SOX6: variants seen among roughly 807,000 people sequenced by gnomAD.
SOX6 encodes the protein SRY-box transcription factor 6, also known as transcription factor SOX-6.
SOX6 carries 11 observed loss-of-function variants against 97.8 expected under a neutral mutation model. That is an observed-to-expected ratio of 0.11 (90% CI 0.07 to 0.19). The LOEUF is 0.19. SOX6 is among the 10% of genes least tolerant of loss of function. The probability of loss-of-function intolerance (pLI) is 1.00; values close to 1 mark genes in which losing one functional copy is unlikely to be tolerated. For missense variants in SOX6, 810 were observed against 1,039.5 expected (o/e 0.78, Z 3.04); for synonymous variants, 360 against 371.4 (o/e 0.97, Z 0.35).
At chr11:16,699,722 C>G (rs1194579489) in intron 3 of SOX6, among the ~76,000 whole-genome samples, 1 of 151,982 alleles carries the variant, frequency 6.6e-6, no homozygotes, top group African/African-American at 2.4e-5. Flanking sequence ...CAATAAGACA[C>G]ATACAAATAC....
chr11:16,573,161 GA>G (rs1196058853), intron 4 of SOX6, among the ~76,000 whole-genome samples: 2 of 152,112 alleles, frequency 1.3e-5, no homozygotes, highest in Non-Finnish European at 2.9e-5. Flanking sequence ...CTGCTGTCAG[GA>G]ACAAACAATT....
At chr11:16,476,031 A>G (rs139117371) in intron 1 of SOX6, among the ~76,000 whole-genome samples, 268 of 152,264 alleles carry the variant, frequency 1.8e-3, no homozygotes, top group Non-Finnish European at 3.1e-3. Flanking sequence ...CATTCCTACA[A>G]TTGAGCCCTA....
At chr11:16,423,056 C>G (rs1859050548) in intron 1 of SOX6, among the ~76,000 whole-genome samples, 1 of 152,146 alleles carries the variant, frequency 6.6e-6, no homozygotes, top group Non-Finnish European at 1.5e-5. Flanking sequence ...AGAGAAAACC[C>G]AGAGTCTTCA....
chr11:16,559,239 GAAACTCTTTC>G (rs1847781775), intron 4 of SOX6, among the ~76,000 whole-genome samples: 1 of 152,064 alleles, frequency 6.6e-6, no homozygotes, highest in African/African-American at 2.4e-5. Context: ...AATGGTATCT[GAAACTCTTTC>G]AAACATCACA....
At chr11:16,667,636 G>T (rs1189420297) in intron 3 of SOX6, among the ~76,000 whole-genome samples, 1 of 151,994 alleles carries the variant, frequency 6.6e-6, no homozygotes, top group African/African-American at 2.4e-5. Context: ...CAGACAAAAG[G>T]TGAGGTATTT....
chr11:16,632,072 A>G (rs1848714797), intron 3 of SOX6, among the ~76,000 whole-genome samples: 1 of 151,994 alleles, frequency 6.6e-6, no homozygotes, highest in African/African-American at 2.4e-5. Flanking sequence ...TTTATCTGTC[A>G]TTTCTGAGTT....
At chr11:16,201,656 C>T (rs1445622869) in intron 4 of SOX6, among the ~76,000 whole-genome samples, 2 of 110,622 alleles carry the variant, frequency 1.8e-5, no homozygotes, top group African/African-American at 3.6e-5. Flanking sequence ...TTTTTTGAGA[C>T]GGAGTCTCGC....
Position 16,402,896 on chromosome 11 carries a change from A to C in SOX6, c.-4-61644T>G, listed in dbSNP as rs915650535. 4.0e-6 allele frequency: 6 copies of C among 1,493,662 alleles called. No homozygotes were observed. In the Admixed American group the frequency reaches 1.2e-4, roughly 30 times the overall value. 92.5% of individuals were successfully genotyped at this position (1,493,662 alleles called of 1,614,324 possible). On this transcript the variant is annotated intron_variant, in intron 1 of 15. Transcript: ENST00000396356. ...ACTACACTCAGTTGGGCTGAATTCC[A>C]GATTGTCATAAAAAGAACCCTGTCC...
intron 1 of SOX6, among the ~76,000 whole-genome samples, chr11:16,407,878 C>T (rs562498472): frequency 1.3e-5 from 2 of 152,120 alleles, no homozygotes; most frequent in South Asian, 4.1e-4. Context: ...CTAACTAATA[C>T]AGAAAGGAAA....
chr11:15,971,367 G>T lies in SOX6; in HGVS notation c.*1442C>A. 6.6e-6 allele frequency: 1 copy of T among 152,670 alleles called. No individual in the cohort carries two copies. Among genetic ancestry groups the T allele is most frequent in the Non-Finnish European group, 1.5e-5 (1 of 68,058 alleles). 9.5% of individuals were successfully genotyped at this position (152,670 alleles called of 1,614,324 possible). A position where few individuals can be genotyped will look rare whatever the true frequency, so the allele number is the denominator to read the frequency against. Reference sequence around the variant, plus strand: ...ACTCAGTGTAAAGGTGCCAGCCCATGACAGCTTCACTGAGATTCCTGCATG... The same window carrying T: ...ACTCAGTGTAAAGGTGCCAGCCCATTACAGCTTCACTGAGATTCCTGCATG... On this transcript the variant is annotated 3_prime_UTR_variant, in exon 16 of 16. Coordinates refer to ENST00000683767, the MANE Select transcript of SOX6 (RefSeq NM_001367873.1).
chr11:16,122,311 G>A (rs1052568323), intron 6 of SOX6, among the ~76,000 whole-genome samples: 1 of 151,990 alleles, frequency 6.6e-6, no homozygotes, highest in Non-Finnish European at 1.5e-5. Flanking sequence ...TAGTGAAGAT[G>A]AATGTTTCCT....
chr11:16,635,195 G>C (rs1021908541), intron 3 of SOX6, among the ~76,000 whole-genome samples: 1 of 152,214 alleles, frequency 6.6e-6, no homozygotes, highest in African/African-American at 2.4e-5. Context: ...CTGGGTAACA[G>C]GCAGAGGTTA....
intron 3 of SOX6, among the ~76,000 whole-genome samples, chr11:16,692,929 T>G (rs1389586210): frequency 2.0e-5 from 3 of 152,198 alleles, no homozygotes; most frequent in Admixed American, 2.0e-4. Context: ...GAAATTGATG[T>G]TTTTAAATGT....
chr11:16,556,073 C>G (rs1847745066), intron 4 of SOX6, among the ~76,000 whole-genome samples: 1 of 151,442 alleles, frequency 6.6e-6, no homozygotes, highest in Non-Finnish European at 1.5e-5. Context: ...TCTAGAGTAA[C>G]TCACATCTCA....
chr11:16,332,219 C>T (rs562893043), intron 2 of SOX6, among the ~76,000 whole-genome samples: 5 of 152,074 alleles, frequency 3.3e-5, no homozygotes, highest in African/African-American at 9.7e-5. Flanking sequence ...AGAGTAAAAG[C>T]TTTCTGAATT....
chr11:16,402,266 T>A (rs1053658211), intron 1 of SOX6, among the ~76,000 whole-genome samples: 11 of 151,672 alleles, frequency 7.3e-5, no homozygotes, highest in African/African-American at 2.4e-4. Flanking sequence ...ATCTAAACAG[T>A]TTCCTGTAAA....
intron 4 of SOX6, among the ~76,000 whole-genome samples, chr11:16,223,042 G>A (rs1519125): frequency 2.0e-5 from 3 of 151,858 alleles, no homozygotes; most frequent in East Asian, 1.9e-4. Context: ...CACAGTCAAC[G>A]TCTGTTAACA....
intron 1 of SOX6, among the ~76,000 whole-genome samples, chr11:16,475,561 A>G (rs1445147171): frequency 1.3e-5 from 2 of 152,166 alleles, no homozygotes; most frequent in East Asian, 1.9e-4. Flanking sequence ...CACAATACAC[A>G]CAAGTTTGCC....
chr11:16,208,749 T>C (rs1369492099), intron 4 of SOX6, among the ~76,000 whole-genome samples: 2 of 152,190 alleles, frequency 1.3e-5, no homozygotes, highest in African/African-American at 4.8e-5. Flanking sequence ...CATTTGGAAG[T>C]TCTATATAAC....
Sources: allele counts gnomAD v4.1 joint callset (sites outside exome capture counted in the v4.1 genomes callset), GRCh38; gene constraint gnomAD v4.1.1; transcripts MANE v1.5; gene names NCBI Gene and HGNC (gene_info 2026-07-23, HGNC 2026-07-21).